The following SDK1 variants were observed in gnomAD, a reference collection of about 807,000 sequenced individuals.
SDK1 encodes the protein sidekick cell adhesion molecule 1, also known as protein sidekick-1.
A neutral mutation model predicts 245.5 loss-of-function variants in SDK1; 157 were observed. The ratio of observed to expected loss-of-function variants is 0.64; its 90% CI spans 0.56 to 0.73. The LOEUF is 0.73. SDK1 is among the 30% of genes least tolerant of loss of function. The pLI, the probability that SDK1 is intolerant of heterozygous loss-of-function variation, is 0.00. For missense variants in SDK1, 3,583 were observed against 3,002.3 expected (o/e 1.19, Z -4.52); for synonymous variants, 1,647 against 1,278.5 (o/e 1.29, Z -6.15).
intron 1 of SDK1, among the ~76,000 whole-genome samples, chr7:3,398,147 G>A (rs1778775245): frequency 6.6e-6 from 1 of 152,012 alleles, no homozygotes; most frequent in African/African-American, 2.4e-5. Context: ...AGGTTTTTCT[G>A]TAACTGTAGG....
At chr7:3,959,088 T>C in intron 8 of SDK1, 74 bp downstream of exon 8, 1 of 1,134,372 alleles carries the variant, frequency 8.8e-7, no homozygotes, top group Non-Finnish European at 1.3e-6. Flanking sequence ...CATAGCAGAA[T>C]TGCCATCATT....
chr7:3,614,343 C>A (rs1047755787), intron 1 of SDK1, among the ~76,000 whole-genome samples: 1 of 152,178 alleles, frequency 6.6e-6, no homozygotes, highest in Non-Finnish European at 1.5e-5. Flanking sequence ...TGTTAGAATA[C>A]AGAAGTATTC....
chr7:3,435,370 G>C (rs1463856208), intron 1 of SDK1, among the ~76,000 whole-genome samples: 2 of 98,452 alleles, frequency 2.0e-5, no homozygotes, highest in African/African-American at 8.8e-5. Flanking sequence ...TTGCTTTGTT[G>C]CCCAGGCTGG....
intron 1 of SDK1, among the ~76,000 whole-genome samples, chr7:3,405,714 G>A (rs1364705386): frequency 2.0e-5 from 3 of 151,930 alleles, no homozygotes; most frequent in Admixed American, 6.6e-5. Context: ...AGTGAATTCT[G>A]CAAGAGAATT....
chr7:4,148,242 G>A (rs557525804), intron 29 of SDK1, among the ~76,000 whole-genome samples: 4 of 152,308 alleles, frequency 2.6e-5, no homozygotes, highest in Non-Finnish European at 5.9e-5. Flanking sequence ...TCCCACACCC[G>A]CCACTGGGGG....
At chr7:4,073,226 G>A (rs909703443) in intron 20 of SDK1, among the ~76,000 whole-genome samples, 1 of 152,082 alleles carries the variant, frequency 6.6e-6, no homozygotes. Context: ...CACTGCCTGA[G>A]CCCTCCACGC....
At chr7:3,494,655 A>G (rs1050170071) in intron 1 of SDK1, among the ~76,000 whole-genome samples, 4 of 152,160 alleles carry the variant, frequency 2.6e-5, no homozygotes, top group East Asian at 1.9e-4. Context: ...TCTCCCAACA[A>G]TTATGTTTTA....
At chr7:3,546,191 G>T (rs548629371) in intron 1 of SDK1, among the ~76,000 whole-genome samples, 1 of 152,170 alleles carries the variant, frequency 6.6e-6, no homozygotes, top group Admixed American at 6.5e-5. Flanking sequence ...CAGCATTTCT[G>T]TGGAGTTCCC....
At chr7:4,009,347 C>T (rs992443801) in intron 14 of SDK1, among the ~76,000 whole-genome samples, 3 of 152,206 alleles carry the variant, frequency 2.0e-5, no homozygotes, top group Non-Finnish European at 4.4e-5. Flanking sequence ...CTGGGAATGG[C>T]CTTTCGTCTT....
At chr7:3,951,978 C>G in intron 7 of SDK1, 58 bp downstream of exon 7, 1 of 1,471,386 alleles carries the variant, frequency 6.8e-7, no homozygotes, top group Non-Finnish European at 9.3e-7. Flanking sequence ...CCGACACTGA[C>G]TCTTCTGCAG....
intron 1 of SDK1, among the ~76,000 whole-genome samples, chr7:3,357,499 G>A (rs1780836576): frequency 6.6e-6 from 1 of 151,288 alleles, no homozygotes; most frequent in Non-Finnish European, 1.5e-5. Flanking sequence ...TCAGGTGCAT[G>A]CCACGATACC....
intron 1 of SDK1, among the ~76,000 whole-genome samples, chr7:3,343,656 G>C (rs1583711487): frequency 6.6e-6 from 1 of 152,052 alleles, no homozygotes. Flanking sequence ...CTTGGTCAAG[G>C]GTGAATGGGA....
chr7:3,915,299 GA>G (rs1278104204), intron 5 of SDK1, among the ~76,000 whole-genome samples: 1 of 152,146 alleles, frequency 6.6e-6, no homozygotes, highest in Non-Finnish European at 1.5e-5. Flanking sequence ...GGAGACCCCT[GA>G]AGAGCATGTA....
intron 4 of SDK1, among the ~76,000 whole-genome samples, chr7:3,664,264 A>G (rs891650654): frequency 3.3e-5 from 5 of 152,146 alleles, no homozygotes; most frequent in African/African-American, 7.2e-5. Flanking sequence ...GGTCTTGACC[A>G]TGGCAAATGT....
At chr7:3,759,695 G>A (rs577848989) in intron 4 of SDK1, among the ~76,000 whole-genome samples, 3 of 151,938 alleles carry the variant, frequency 2.0e-5, no homozygotes, top group South Asian at 2.1e-4. Context: ...GGGTTCAGGC[G>A]ATTCTTCTGC....
chr7:4,134,057 T>G (rs1778879677), intron 28 of SDK1, among the ~76,000 whole-genome samples: 1 of 152,178 alleles, frequency 6.6e-6, no homozygotes, highest in Admixed American at 6.5e-5. Context: ...CAATCAGATT[T>G]GCCTTGTAGG....
chr7:4,220,378 G>C, intron 39 of SDK1, 108 bp downstream of exon 39: 1 of 1,233,900 alleles, frequency 8.1e-7, no homozygotes, highest in Non-Finnish European at 1.1e-6. Flanking sequence ...GATGTTGGCG[G>C]CCAAGAGCTG....
chr7:3,799,012 C>T (rs1351440114), intron 4 of SDK1, among the ~76,000 whole-genome samples: 7 of 152,098 alleles, frequency 4.6e-5, no homozygotes, highest in Admixed American at 4.6e-4. Flanking sequence ...AATTTGAATT[C>T]TCCTGCAAGG....
intron 4 of SDK1, among the ~76,000 whole-genome samples, chr7:3,678,036 C>G (rs990400961): frequency 1.2e-4 from 18 of 152,152 alleles, no homozygotes; most frequent in African/African-American, 3.6e-4. Context: ...CATTAGTGGT[C>G]AAACCACAGC....
Sources: gnomAD v4.1 joint callset for allele counts (sites outside exome capture counted in the v4.1 genomes callset) on GRCh38, gnomAD v4.1.1 for gene constraint, MANE v1.5 for transcripts, NCBI Gene and HGNC (gene_info 2026-07-23, HGNC 2026-07-21) for gene names.